ABCA12: variants seen among roughly 807,000 people sequenced by gnomAD.
The protein encoded by ABCA12 is ATP binding cassette subfamily A member 12.
A neutral mutation model predicts 293.5 loss-of-function variants in ABCA12; 156 were observed. That is an observed-to-expected ratio of 0.53 (90% CI 0.47 to 0.61). The LOEUF is 0.61. Ranked by LOEUF, ABCA12 falls within the 20% of genes least tolerant of loss-of-function variation. ABCA12 has a pLI of 0.00. For missense variants in ABCA12, 2,797 were observed against 3,090.2 expected (o/e 0.91, Z 2.25); for synonymous variants, 1,063 against 1,108.0 (o/e 0.96, Z 0.81).
intron 3 of ABCA12, among the ~76,000 whole-genome samples, chr2:215,058,581 T>C (rs995077091): frequency 6.6e-6 from 1 of 152,032 alleles, no homozygotes; most frequent in Non-Finnish European, 1.5e-5. Flanking sequence ...ATTCGGGACA[T>C]AGGCCCATCT....
At chr2:215,037,514 CT>C (rs1461259840) in intron 7 of ABCA12, among the ~76,000 whole-genome samples, 75 of 152,180 alleles carry the variant, frequency 4.9e-4, no homozygotes, top group South Asian at 2.3e-3. Context: ...TAATATTTAT[CT>C]TTTGCTAAAC....
intron 5 of ABCA12, among the ~76,000 whole-genome samples, chr2:215,050,597 C>G (rs962293749): frequency 3.9e-5 from 6 of 152,024 alleles, no homozygotes; most frequent in Admixed American, 3.9e-4. Context: ...ATAATTAATT[C>G]TTATTACTCC....
Position 214,974,003 on chromosome 2 carries a change from G to C in ABCA12, c.5508C>G (p.Thr1836=). The change falls in exon 36 of 53, where the codon ACC becomes ACG. Residue 1836 remains threonine, a synonymous_variant. Transcript: ENST00000272895. ...LNKDSLEKWN[T]SGEPITNFGV... ...CAAAATTAGTGATGGGTTCTCCACT[G>C]GTGTTCCATTTTTCCAGACTGTCTT... 1 of 1,613,982 alleles carries C rather than the reference G, an allele frequency of 6.2e-7. No homozygotes were observed. The highest frequency in any genetic ancestry group is 8.5e-7 in the Non-Finnish European group (1 of 1,179,938).
intron 24 of ABCA12, among the ~76,000 whole-genome samples, 165 bp downstream of exon 24, chr2:214,990,537 A>G (rs913478986): frequency 5.9e-5 from 9 of 152,216 alleles, no homozygotes; most frequent in African/African-American, 1.9e-4. Context: ...CTTGTATGGT[A>G]TACAGTGATG....
chr2:215,134,880 T>C lies in ABCA12; in HGVS notation c.69+3260A>G, dbSNP rs550349380. 9.2e-5 allele frequency among the ~76,000 whole-genome samples: 14 copies of C among 152,052 alleles called. No homozygotes were observed. The South Asian group carries it at 2.9e-3, about 32-fold the overall frequency. ...CCAAGCTGGTCTCGAACTCCTAGGC[T>C]CAAGTCTTCCACCTGCCTTGGCCTC... On this transcript the variant is annotated intron_variant, in intron 1 of 52. Coordinates refer to ENST00000272895, the MANE Select transcript of ABCA12 (RefSeq NM_173076.3).
chr2:215,044,235 C>T (rs1701158926), intron 7 of ABCA12, among the ~76,000 whole-genome samples: 1 of 152,154 alleles, frequency 6.6e-6, no homozygotes, highest in Admixed American at 6.5e-5. Context: ...AGCTGTCACA[C>T]TATTTTCCAA....
chr2:214,984,715 A>T (rs983866674), intron 28 of ABCA12, among the ~76,000 whole-genome samples: 1 of 152,086 alleles, frequency 6.6e-6, no homozygotes, highest in Non-Finnish European at 1.5e-5. Flanking sequence ...GGAATCTGTA[A>T]GTCATTTTTG....
At chr2:215,129,175 C>G (rs1559210582) in intron 1 of ABCA12, among the ~76,000 whole-genome samples, 1 of 152,312 alleles carries the variant, frequency 6.6e-6, no homozygotes, top group East Asian at 1.9e-4. Context: ...GCCATGGATA[C>G]CAGTGCCTTC....
In ABCA12 at chr2:214,986,592, C is replaced by T. The variant is rs1699792501; in HGVS notation, c.4113G>A (p.Gly1371=). 6.2e-7 allele frequency: 1 copy of T among 1,614,034 alleles called. No homozygotes were observed. The highest frequency in any genetic ancestry group is 8.5e-7 in the Non-Finnish European group (1 of 1,179,982). Residue 1371 remains glycine (G), a synonymous_variant, in exon 28 of 53, where the codon GGG becomes GGA. Transcript: ENST00000272895. ...VDNLNLNFYE[G]HITSLLGPNG... ...TGGGCCCCAGCAATGAAGTAATATG[C>T]CCTTCATAAAAGTTCAGATTGAGGT... is the stretch of plus-strand genomic sequence containing the variant.
chr2:215,035,999 T>C (rs777963579), intron 8 of ABCA12, among the ~76,000 whole-genome samples: 4 of 152,206 alleles, frequency 2.6e-5, no homozygotes, highest in East Asian at 1.9e-4. Context: ...GAAATAATTA[T>C]GTTTGTTAGC....
In ABCA12 at chr2:215,035,067, C is replaced by A. The variant is rs527697467; in HGVS notation, c.985+1886G>T. Among the ~76,000 whole-genome samples the A allele has an allele frequency of 2.0e-5, 3 of 152,208 alleles. No homozygotes were observed. The South Asian group carries it at 6.2e-4, about 32-fold the overall frequency. On this transcript the variant is annotated intron_variant, in intron 8 of 52. Transcript: ENST00000272895. Reference sequence around the variant, plus strand: ...GGTATCTGTACTTGGACCAGAGACCCCAGTGCTGTTGAACTGTAGTCACTA... The same window carrying A: ...GGTATCTGTACTTGGACCAGAGACCACAGTGCTGTTGAACTGTAGTCACTA...
intron 23 of ABCA12, among the ~76,000 whole-genome samples, chr2:214,992,404 C>A (rs1268995394): frequency 1.5e-5 from 2 of 132,724 alleles, no homozygotes; most frequent in African/African-American, 5.7e-5. Context: ...GATCACACCA[C>A]TGCACTCCAG....
At chr2:215,004,909 T>A (rs1355904016) in intron 19 of ABCA12, 1 of 152,206 alleles carries the variant, frequency 6.6e-6, no homozygotes, top group African/African-American at 2.4e-5. Flanking sequence ...AAGAATAAAT[T>A]GATGATAAAA....
chr2:215,108,791 C>T (rs1347225415), intron 2 of ABCA12, among the ~76,000 whole-genome samples: 1 of 152,082 alleles, frequency 6.6e-6, no homozygotes, highest in Non-Finnish European at 1.5e-5. Flanking sequence ...GGGAAAAGGC[C>T]AGGTGCGGTG....
intron 20 of ABCA12, among the ~76,000 whole-genome samples, chr2:215,003,824 T>C (rs1431800349): frequency 6.6e-6 from 1 of 152,028 alleles, no homozygotes; most frequent in Non-Finnish European, 1.5e-5. Flanking sequence ...TGCACCACCA[T>C]GCCCAGCTAG....
intron 43 of ABCA12, 53 bp from the exon 44 acceptor site, chr2:214,954,160 A>T (rs2105931711): frequency 6.3e-7 from 1 of 1,592,904 alleles, no homozygotes; most frequent in African/African-American, 1.3e-5. Context: ...CAAAAAGCTG[A>T]CAAAAATTTA....
intron 36 of ABCA12, 71 bp downstream of exon 36, chr2:214,973,878 A>C: frequency 3.1e-6 from 4 of 1,292,398 alleles, no homozygotes; most frequent in Non-Finnish European, 4.5e-6. Flanking sequence ...GGTAACCTAG[A>C]GAGATCTTTC....
intron 38 of ABCA12, 83 bp downstream of exon 38, chr2:214,968,637 G>T (rs1192563465): frequency 2.9e-6 from 4 of 1,360,834 alleles, no homozygotes; most frequent in Non-Finnish European, 4.2e-6. Context: ...CCCATATTTT[G>T]TTTTCACTTC....
intron 13 of ABCA12, 126 bp from the exon 14 acceptor site, chr2:215,018,258 C>T: frequency 8.4e-7 from 1 of 1,191,404 alleles, no homozygotes; most frequent in Non-Finnish European, 1.2e-6. Flanking sequence ...AGATGTCTCC[C>T]AGTTTTGGCA....
Sources: allele counts gnomAD v4.1 joint callset (sites outside exome capture counted in the v4.1 genomes callset), GRCh38; gene constraint gnomAD v4.1.1; transcripts MANE v1.5; gene names NCBI Gene and HGNC (gene_info 2026-07-23, HGNC 2026-07-21).